NECTIN3: variants seen among roughly 807,000 people sequenced by gnomAD.
The protein encoded by NECTIN3 is nectin cell adhesion molecule 3.
A neutral mutation model predicts 49.4 loss-of-function variants in NECTIN3; 8 were observed. The ratio of observed to expected loss-of-function variants is 0.16; its 90% CI spans 0.10 to 0.29. The LOEUF (loss-of-function observed/expected upper bound fraction) is 0.29. NECTIN3 is among the 10% of genes least tolerant of loss of function. The pLI, the probability that NECTIN3 is intolerant of heterozygous loss-of-function variation, is 1.00. For missense variants in NECTIN3, 581 were observed against 654.6 expected (o/e 0.89, Z 1.23); for synonymous variants, 277 against 241.1 (o/e 1.15, Z -1.38).
intron 7 of NECTIN3, among the ~76,000 whole-genome samples, chr3:111,165,951 T>C (rs983008654): frequency 6.6e-6 from 1 of 152,206 alleles, no homozygotes; most frequent in Non-Finnish European, 1.5e-5. Context: ...CCTGAGCTGC[T>C]AAATGTGGCA....
intron 1 of NECTIN3, among the ~76,000 whole-genome samples, chr3:111,109,293 C>T (rs181867528): frequency 6.6e-6 from 1 of 152,242 alleles, no homozygotes; most frequent in Non-Finnish European, 1.5e-5. Context: ...CAAACATTCA[C>T]TCCATAAAAC....
intron 1 of NECTIN3, among the ~76,000 whole-genome samples, chr3:111,093,423 T>TG (rs1174282393): frequency 9.8e-6 from 1 of 102,494 alleles, no homozygotes; most frequent in Non-Finnish European, 2.2e-5. Flanking sequence ...TTTATTTTGT[T>TG]GGGTTTTTTT....
intron 1 of NECTIN3, among the ~76,000 whole-genome samples, chr3:111,099,132 C>G (rs980886060): frequency 6.6e-6 from 1 of 152,086 alleles, no homozygotes; most frequent in Non-Finnish European, 1.5e-5. Context: ...CACCTAACAT[C>G]CATCATAAAT....
chr3:111,159,525 A>G (rs891460399), intron 7 of NECTIN3, among the ~76,000 whole-genome samples: 2 of 151,930 alleles, frequency 1.3e-5, no homozygotes, highest in Non-Finnish European at 2.9e-5. Flanking sequence ...GAGGAATGTG[A>G]TATTATGAGT....
Position 111,134,711 on chromosome 3 carries a change from A to T in NECTIN3, c.*496A>T. 1 of 882,488 alleles carries T rather than the reference A, an allele frequency of 1.1e-6. No homozygotes were observed. The highest frequency in any genetic ancestry group is 1.4e-6 in the Non-Finnish European group (1 of 736,516). 54.7% of individuals were successfully genotyped at this position (882,488 alleles called of 1,614,324 possible). On this transcript the variant is annotated 3_prime_UTR_variant, in exon 6 of 6. Coordinates refer to ENST00000485303, the MANE Select transcript of NECTIN3 (RefSeq NM_015480.3). ...ATATATATTTTTTAATATACAAAAA[A>T]TATTTAGCCTGATGGAATGGCTTTC...
At chr3:111,149,735 A>G (rs2034960845) in intron 7 of NECTIN3, among the ~76,000 whole-genome samples, 1 of 150,810 alleles carries the variant, frequency 6.6e-6, no homozygotes, top group Non-Finnish European at 1.5e-5. Context: ...TACATTTCTT[A>G]GGAATATAAT....
chr3:111,133,154 T>G (rs1241369846), intron 5 of NECTIN3, among the ~76,000 whole-genome samples: 2 of 151,950 alleles, frequency 1.3e-5, no homozygotes, highest in Non-Finnish European at 2.9e-5. Context: ...TAAACCATAT[T>G]ATTAATAGGT....
At chr3:111,181,824 A>C (rs2035631164) in intron 7 of NECTIN3, among the ~76,000 whole-genome samples, 1 of 151,658 alleles carries the variant, frequency 6.6e-6, no homozygotes, top group Admixed American at 6.6e-5. Flanking sequence ...ACAGATTTTG[A>C]TTTTATTAAT....
At chr3:111,079,973 T>C (rs1410304163) in intron 1 of NECTIN3, among the ~76,000 whole-genome samples, 1 of 152,204 alleles carries the variant, frequency 6.6e-6, no homozygotes, top group East Asian at 1.9e-4. Flanking sequence ...TTTCAAGGTG[T>C]TGCATTGTTT....
chr3:111,158,410 C>T (rs1317686566), intron 7 of NECTIN3, among the ~76,000 whole-genome samples: 1 of 152,026 alleles, frequency 6.6e-6, no homozygotes, highest in Non-Finnish European at 1.5e-5. Flanking sequence ...ATTCTTTAGA[C>T]TATCAATCCT....
At chr3:111,107,323 G>A (rs2033227507) in intron 1 of NECTIN3, among the ~76,000 whole-genome samples, 1 of 152,152 alleles carries the variant, frequency 6.6e-6, no homozygotes, top group Non-Finnish European at 1.5e-5. Flanking sequence ...TGGAGCTACA[G>A]ATAGGGGAAT....
Position 111,136,177 on chromosome 3 carries a change from T to C in NECTIN3, c.*1962T>C, listed in dbSNP as rs556555130. On this transcript the variant is annotated 3_prime_UTR_variant, in exon 6 of 6. Transcript: ENST00000485303. ...ATCAAAATTTCATCTTTTAAAATAA[T>C]GGTTTGAAATACTGTATGGATCTGA... is the stretch of plus-strand genomic sequence containing the variant. 1.1e-5 allele frequency: 11 copies of C among 973,194 alleles called. No individual in the cohort carries two copies. The African/African-American group carries it at 1.9e-4, about 17-fold the overall frequency. The allele number at this position is 973,194 out of a possible 1,614,324, so 60.3% of individuals were successfully genotyped here.
Position 111,134,019 on chromosome 3 carries a change from A to G in NECTIN3, c.1454A>G (p.Asp485Gly), listed in dbSNP as rs1235325670. The G allele has an allele frequency of 6.2e-7, 1 of 1,613,030 alleles. No individual in the cohort carries two copies. Among genetic ancestry groups the G allele is most frequent in the South Asian group, 1.1e-5 (1 of 90,964 alleles). ...CCAGTGAACAATCTAATACGTAAAG[A>G]CTATTTAGAAGAGCCTGAAAAAACT... ...KNPVNNLIRK[D>G]YLEEPEKTQW... The change falls in exon 6 of 6, where the codon GAC becomes GGC. Residue 485 changes from aspartate to glycine, a missense_variant. Asp to Gly is a moderately conservative substitution (Grantham distance 94). This residue lies in a region of NECTIN3 where 238 missense variants were observed against 244.9 expected (regional missense o/e 0.97). Coordinates refer to ENST00000485303, the MANE Select transcript of NECTIN3 (RefSeq NM_015480.3).
At position 111,133,706 on chromosome 3, in the gene NECTIN3, GCAACAGAA is replaced by G. The variant is rs775091056; in HGVS notation, c.1143_1150del (p.Thr382Ter). On this transcript the variant is annotated frameshift_variant, in exon 6 of 6. Transcript: ENST00000485303. LOFTEE classifies it high-confidence loss of function. ...CTCAACTGCTGACATCGAGGATCTA[GCAACAGAA>G]CCTAAAAAATTGCCCTTCCCATTGT... The G allele has an allele frequency of 1.2e-6, 2 of 1,613,896 alleles. No individual in the cohort carries two copies. Among genetic ancestry groups the G allele is most frequent in the Non-Finnish European group, 8.5e-7 (1 of 1,179,868 alleles).
At position 111,072,107 on chromosome 3, in the gene NECTIN3, G is replaced by C. The variant is rs1159775884; in HGVS notation, c.90G>C (p.Leu30=). The C allele has an allele frequency of 6.5e-7, 1 of 1,549,552 alleles. No individual in the cohort carries two copies. Residue 30 remains leucine, a synonymous_variant, in exon 1 of 6, where the codon CTG becomes CTC. Coordinates refer to ENST00000485303, the MANE Select transcript of NECTIN3 (RefSeq NM_015480.3). ...CTTCTCTCCTCGGAGCCGGGCTCCT[G>C]CTGCAGCCCCCGACGCCACCTCCGC... ...SSASLLGAGL[L]LQPPTPPPLL... is the part of the protein sequence containing the mutation.
At chr3:111,078,194 A>G (rs1001583290) in intron 1 of NECTIN3, among the ~76,000 whole-genome samples, 1 of 152,126 alleles carries the variant, frequency 6.6e-6, no homozygotes, top group Non-Finnish European at 1.5e-5. Flanking sequence ...ATTGTCTCTA[A>G]AGTGGGTTAT....
rs184658645 is a variant in NECTIN3, at chr3:111,112,331, G to A, written c.462G>A (p.Pro154=). 4.4e-5 allele frequency: 71 copies of A among 1,611,890 alleles called. No individual in the cohort carries two copies. The Admixed American group carries it at 9.0e-4, about 20-fold the overall frequency. Residue 154 remains proline, a synonymous_variant, in exon 2 of 6, where the codon CCG becomes CCA. Coordinates refer to ENST00000485303, the MANE Select transcript of NECTIN3 (RefSeq NM_015480.3). ...GKYICKAVTF[P]LGNAQSSTTV... ...ACATCTGCAAAGCTGTTACATTCCC[G>A]CTTGGAAATGCCCAGTCCTCTACAA...
At chr3:111,123,627 T>C (rs1280976538) in intron 4 of NECTIN3, among the ~76,000 whole-genome samples, 1 of 152,146 alleles carries the variant, frequency 6.6e-6, no homozygotes. Context: ...TTGGGAGGAA[T>C]CTGTTGTTCT....
At chr3:111,081,419 G>T (rs1156520843) in intron 1 of NECTIN3, among the ~76,000 whole-genome samples, 2 of 152,190 alleles carry the variant, frequency 1.3e-5, no homozygotes, top group Non-Finnish European at 2.9e-5. Context: ...CAGGAGATTG[G>T]AATGAAAGAT....
Sources: allele counts gnomAD v4.1 joint callset (sites outside exome capture counted in the v4.1 genomes callset), GRCh38; gene constraint gnomAD v4.1.1; regional missense constraint gnomAD v4.1.1; transcripts MANE v1.5; gene names NCBI Gene and HGNC (gene_info 2026-07-23, HGNC 2026-07-21).